AKAP9: variants seen among roughly 807,000 people sequenced by gnomAD.
AKAP9 encodes A-kinase anchor protein 9.
AKAP9 carries 311 observed loss-of-function variants against 488.5 expected under a neutral mutation model. That is an observed-to-expected ratio of 0.64 (90% CI 0.58 to 0.70). AKAP9 has a LOEUF of 0.70. AKAP9 is among the 30% of genes least tolerant of loss of function. The pLI, the probability that AKAP9 is intolerant of heterozygous loss-of-function variation, is 0.00. For missense variants in AKAP9, 4,215 were observed against 4,374.5 expected, an observed-to-expected ratio of 0.96 and a Z score of 1.03; for synonymous variants, 1,462 against 1,483.5, an observed-to-expected ratio of 0.99 and a Z score of 0.33.
chr7:92,080,631 A>G (rs1813382624), intron 31 of AKAP9, among the ~76,000 whole-genome samples: 1 of 152,070 alleles, frequency 6.6e-6, no homozygotes, highest in South Asian at 2.1e-4. Flanking sequence ...AAACTAGACA[A>G]ACTAAATTTA....
chr7:92,046,992 A>G (rs1170593010), intron 21 of AKAP9, among the ~76,000 whole-genome samples: 1 of 152,220 alleles, frequency 6.6e-6, no homozygotes, highest in Admixed American at 6.5e-5. Context: ...AGCAGACAAC[A>G]TACCTTGAAA....
intron 1 of AKAP9, among the ~76,000 whole-genome samples, chr7:91,963,334 T>A (rs1793968347): frequency 6.6e-6 from 1 of 152,200 alleles, no homozygotes; most frequent in Admixed American, 6.5e-5. Flanking sequence ...TAATTTATTT[T>A]TATATCCTAC....
chr7:92,008,469 C>T (rs554305893), intron 8 of AKAP9, among the ~76,000 whole-genome samples: 3 of 152,014 alleles, frequency 2.0e-5, no homozygotes, highest in Non-Finnish European at 4.4e-5. Flanking sequence ...GGGTGGATCA[C>T]GAGGCCAGGA....
At chr7:91,982,167 G>A (rs1377853362) in intron 3 of AKAP9, among the ~76,000 whole-genome samples, 10 of 94,412 alleles carry the variant, frequency 1.1e-4, no homozygotes, top group African/African-American at 3.0e-4. Flanking sequence ...TTTTACGTAC[G>A]TATGTATGTA....
intron 15 of AKAP9, 26 bp from the exon 16 acceptor site, chr7:92,031,486 A>G: frequency 2.0e-6 from 3 of 1,472,084 alleles, no homozygotes; most frequent in Non-Finnish European, 2.9e-6. Flanking sequence ...ATGTAAATAA[A>G]TGTCATATTT....
chr7:92,066,888 A>C (rs1315729521), intron 26 of AKAP9, among the ~76,000 whole-genome samples: 1 of 152,194 alleles, frequency 6.6e-6, no homozygotes, highest in Non-Finnish European at 1.5e-5. Flanking sequence ...CACTCCAGTG[A>C]AGTATCCAGC....
chr7:92,051,627 A>G (rs1229403528), intron 21 of AKAP9, among the ~76,000 whole-genome samples: 2 of 152,234 alleles, frequency 1.3e-5, no homozygotes, highest in Non-Finnish European at 2.9e-5. Flanking sequence ...CTGAAGCTGT[A>G]TCTGATGTCA....
intron 1 of AKAP9, among the ~76,000 whole-genome samples, chr7:91,953,604 G>T (rs1306934175): frequency 2.6e-5 from 4 of 152,188 alleles, no homozygotes; most frequent in Non-Finnish European, 4.4e-5. Flanking sequence ...AAGTGTTCAA[G>T]AAGTGTCAGT....
intron 1 of AKAP9, among the ~76,000 whole-genome samples, chr7:91,963,519 CACACACACAT>C (rs1794028893): frequency 6.7e-6 from 1 of 149,650 alleles, no homozygotes; most frequent in African/African-American, 2.5e-5. Context: ...CACACACACA[CACACACACAT>C]ATTTTTGAGA....
intron 14 of AKAP9, among the ~76,000 whole-genome samples, 155 bp from the exon 15 acceptor site, chr7:92,029,740 A>C (rs1387981172): frequency 1.3e-5 from 2 of 152,240 alleles, no homozygotes; most frequent in Non-Finnish European, 2.9e-5. Flanking sequence ...TGGAAATATT[A>C]GTCAAAAATA....
intron 3 of AKAP9, among the ~76,000 whole-genome samples, chr7:91,990,718 A>G (rs1266303852): frequency 2.6e-5 from 4 of 152,198 alleles, no homozygotes; most frequent in Non-Finnish European, 5.9e-5. Flanking sequence ...TTACAAACTG[A>G]TAACTGATAA....
chr7:91,964,118 A>G (rs1485947977), intron 1 of AKAP9, among the ~76,000 whole-genome samples: 1 of 152,192 alleles, frequency 6.6e-6, no homozygotes, highest in African/African-American at 2.4e-5. Context: ...AAAAGGAAAA[A>G]TACCTGTAAT....
chr7:92,056,333 G>A (rs1230296283), intron 22 of AKAP9, among the ~76,000 whole-genome samples: 1 of 151,922 alleles, frequency 6.6e-6, no homozygotes, highest in Non-Finnish European at 1.5e-5. Flanking sequence ...TGCAGAGGGA[G>A]CAGGGAAAGA....
At chr7:92,105,585 T>C (rs1818379714) in intron 46 of AKAP9, 93 bp from the exon 47 acceptor site, 1 of 908,344 alleles carries the variant, frequency 1.1e-6, no homozygotes, top group Non-Finnish European at 1.8e-6. Context: ...ATTTGTTCTA[T>C]GTTCATATTT....
chr7:92,025,062 A>T (rs1584184586), intron 14 of AKAP9, among the ~76,000 whole-genome samples: 1 of 152,164 alleles, frequency 6.6e-6, no homozygotes, highest in Non-Finnish European at 1.5e-5. Context: ...TAGCTTTGAG[A>T]TGGAACTTGG....
intron 3 of AKAP9, among the ~76,000 whole-genome samples, chr7:91,985,533 T>C (rs528639856): frequency 5.3e-5 from 8 of 152,310 alleles, no homozygotes; most frequent in African/African-American, 1.7e-4. Context: ...TTATTGAGGA[T>C]TTTTGCATTC....
At position 92,083,432 on chromosome 7, in the gene AKAP9, T is replaced by C; in HGVS notation, c.8423T>C (p.Leu2808Ser). Residue 2808 changes from leucine (L) to serine (S), a missense_variant, in exon 33 of 50, where the codon TTA becomes TCA. Physicochemically the swap from Leu to Ser is moderately radical, Grantham distance 145 (BLOSUM62 -2). This residue lies in a region of AKAP9 where 1,476 missense variants were observed against 1,477.4 expected (regional missense o/e 1.00). Coordinates refer to ENST00000356239, the MANE Select transcript of AKAP9 (RefSeq NM_005751.5). ...LVKNAGIQIN[L>S]QSECSSEEVT... The stretch of plus-strand genomic sequence containing the variant: ...AAAAATGCAGGAATACAAATTAATT[T>C]ACAGAGTGAATGTTCCTCAGAAGAA... 6.2e-7 allele frequency: 1 copy of C among 1,614,016 alleles called. No homozygotes were observed. The highest frequency in any genetic ancestry group is 8.5e-7 in the Non-Finnish European group (1 of 1,179,962).
At chr7:92,099,627 T>G (rs1000716602) in intron 43 of AKAP9, 60 bp from the exon 44 acceptor site, 1 of 1,527,466 alleles carries the variant, frequency 6.5e-7, no homozygotes, top group Non-Finnish European at 9.1e-7. Context: ...ATTCACACTT[T>G]ATATGCATTA....
chr7:91,993,485 A>G (rs1286044914), intron 5 of AKAP9, among the ~76,000 whole-genome samples: 3 of 152,072 alleles, frequency 2.0e-5, no homozygotes, highest in Non-Finnish European at 4.4e-5. Context: ...ACTTAGTGGG[A>G]CACAGTGGCA....
Sources: gnomAD v4.1 joint callset for allele counts (sites outside exome capture counted in the v4.1 genomes callset) on GRCh38, gnomAD v4.1.1 for gene constraint, gnomAD v4.1.1 regional missense constraint, MANE v1.5 for transcripts, NCBI Gene and HGNC (gene_info 2026-07-23, HGNC 2026-07-21) for gene names.